CRYBB2: variants seen among roughly 807,000 people sequenced by gnomAD.
The protein encoded by CRYBB2 is crystallin beta B2, also known as beta-crystallin B2.
A neutral mutation model predicts 24.3 loss-of-function variants in CRYBB2; 12 were observed. The observed-to-expected ratio is 0.49, with a 90% confidence interval of 0.32 to 0.80. The LOEUF is 0.80. Among genes scored for constraint, CRYBB2 ranks in the 30% least tolerant of loss-of-function variants. The pLI is 0.04. For synonymous variants in CRYBB2, 98 were observed against 101.6 expected, an observed-to-expected ratio of 0.96 and a Z score of 0.21; for missense variants, 198 against 268.5, an observed-to-expected ratio of 0.74 and a Z score of 1.83.
chr22:25,212,131 C>A (rs1935113791), upstream of CRYBB2, among the ~76,000 whole-genome samples: 1 of 152,146 alleles, frequency 6.6e-6, no homozygotes, highest in South Asian at 2.1e-4. Context: ...ATCCTCTTCT[C>A]TTGATCATTT....
upstream of CRYBB2, among the ~76,000 whole-genome samples, chr22:25,218,065 C>T (rs1935201993): frequency 1.3e-5 from 2 of 151,576 alleles, no homozygotes; most frequent in Admixed American, 6.6e-5. Flanking sequence ...CGAGACCATC[C>T]TGGCTAACAC....
intron 2 of CRYBB2, 106 bp downstream of exon 2, chr22:25,221,589 C>T (rs1022999231): frequency 2.5e-6 from 2 of 797,524 alleles, no homozygotes; most frequent in Admixed American, 2.0e-5. Flanking sequence ...CCCCTCTCGA[C>T]CCCTGCCCCT....
chr22:25,222,045 C>T (rs1408162816), intron 2 of CRYBB2, among the ~76,000 whole-genome samples: 1 of 152,216 alleles, frequency 6.6e-6, no homozygotes, highest in Non-Finnish European at 1.5e-5. Flanking sequence ...CCTGTCCACC[C>T]AAGGGCGGCA....
At chr22:25,216,711 A>G (rs1434534142), upstream of CRYBB2, among the ~76,000 whole-genome samples, 1 of 152,262 alleles carries the variant, frequency 6.6e-6, no homozygotes, top group East Asian at 1.9e-4. Flanking sequence ...TGGGACCATC[A>G]CCACTATCCA....
chr22:25,230,797 C>T (rs914297886), intron 5 of CRYBB2, among the ~76,000 whole-genome samples: 8 of 149,718 alleles, frequency 5.3e-5, no homozygotes, highest in African/African-American at 1.5e-4. Context: ...GTGTAGCCAA[C>T]AGTCTAGAAG....
chr22:25,218,726 G>A (rs1012254725), upstream of CRYBB2, among the ~76,000 whole-genome samples: 534 of 91,040 alleles, frequency 5.9e-3, 77 homozygotes, highest in African/African-American at 0.021. Flanking sequence ...GAGAGAGAGA[G>A]AGAGAGAGGG....
At chr22:25,222,629 C>G (rs1282167546) in intron 2 of CRYBB2, among the ~76,000 whole-genome samples, 1 of 152,146 alleles carries the variant, frequency 6.6e-6, no homozygotes, top group Admixed American at 6.5e-5. Flanking sequence ...ACAAAAGGAA[C>G]AGCAGGCGCA....
chr22:25,225,291 G>A (rs763427119), intron 3 of CRYBB2, among the ~76,000 whole-genome samples: 2 of 152,166 alleles, frequency 1.3e-5, no homozygotes, highest in African/African-American at 2.4e-5. Flanking sequence ...TGTAGGATGA[G>A]GCTAACCATG....
chr22:25,226,375 T>C (rs982931186), intron 3 of CRYBB2, among the ~76,000 whole-genome samples: 1 of 152,196 alleles, frequency 6.6e-6, no homozygotes, highest in Non-Finnish European at 1.5e-5. Flanking sequence ...AGGGAGATGC[T>C]TTAAAATGGA....
chr22:25,220,269 T>C (rs1013366511), intron 1 of CRYBB2, among the ~76,000 whole-genome samples: 2 of 152,230 alleles, frequency 1.3e-5, no homozygotes, highest in Non-Finnish European at 2.9e-5. Context: ...ATACATTACA[T>C]AATTGAATCC....
intron 2 of CRYBB2, 94 bp downstream of exon 2, chr22:25,221,577 AC>A (rs1413678147): frequency 1.5e-5 from 14 of 926,122 alleles, no homozygotes; most frequent in African/African-American, 1.5e-4. Flanking sequence ...CTTCATGGGT[AC>A]CCCCTCTCGA....
At chr22:25,218,245 C>G (rs192042004), upstream of CRYBB2, among the ~76,000 whole-genome samples, 1 of 138,264 alleles carries the variant, frequency 7.2e-6, no homozygotes, top group African/African-American at 2.7e-5. Context: ...GGCGACAGAG[C>G]GAGACTCCAT....
chr22:25,223,359 C>T (rs747111894), intron 2 of CRYBB2, among the ~76,000 whole-genome samples: 44 of 152,150 alleles, frequency 2.9e-4, no homozygotes, highest in Admixed American at 6.5e-5. Flanking sequence ...CCACAAGCAG[C>T]GCAAATACTA....
intron 1 of CRYBB2, among the ~76,000 whole-genome samples, chr22:25,220,782 C>T (rs557164178): frequency 9.2e-5 from 14 of 152,314 alleles, no homozygotes; most frequent in Non-Finnish European, 1.9e-4. Context: ...TGCCACAGTG[C>T]CTGGATTTCT....
chr22:25,213,318 T>A (rs1297849513), intron 1 of CRYBB2: 1 of 152,198 alleles, frequency 6.6e-6, no homozygotes, highest in African/African-American at 2.4e-5. Flanking sequence ...CACCAAGACC[T>A]ATTCTCCTCG....
At chr22:25,228,197 C>T (rs540299765) in intron 4 of CRYBB2, among the ~76,000 whole-genome samples, 138 of 148,600 alleles carry the variant, frequency 9.3e-4, no homozygotes, top group Admixed American at 2.7e-3. Flanking sequence ...GTAAAATGGG[C>T]ATATTGGTAT....
intron 3 of CRYBB2, among the ~76,000 whole-genome samples, chr22:25,226,183 TG>T (rs1935411368): frequency 6.7e-6 from 1 of 150,288 alleles, no homozygotes; most frequent in East Asian, 2.1e-4. Context: ...TGTGTGTGTG[TG>T]TGTGTGTGTG....
intron 5 of CRYBB2, 118 bp from the exon 6 acceptor site, chr22:25,231,486 G>A (rs998336685): frequency 1.0e-6 from 1 of 978,782 alleles, no homozygotes; most frequent in East Asian, 2.4e-5. Context: ...CAATGGTTGG[G>A]AGGCTTCACC....
intron 2 of CRYBB2, among the ~76,000 whole-genome samples, chr22:25,224,335 A>G (rs1334755837): frequency 1.3e-5 from 2 of 152,088 alleles, no homozygotes; most frequent in African/African-American, 2.4e-5. Flanking sequence ...TTTCAGCTGC[A>G]TCAGACAAGC....
Sources: allele counts gnomAD v4.1 joint callset (sites outside exome capture counted in the v4.1 genomes callset), GRCh38; gene constraint gnomAD v4.1.1; transcripts MANE v1.5; gene names NCBI Gene and HGNC (gene_info 2026-07-23, HGNC 2026-07-21).